The following ANO1 variants were observed in gnomAD, a reference collection of about 807,000 sequenced individuals.
ANO1 encodes anoctamin-1.
Under a neutral mutation model 124.0 loss-of-function variants are expected in ANO1, and 59 were observed. That is an observed-to-expected ratio of 0.48 (90% CI 0.39 to 0.59). The LOEUF (loss-of-function observed/expected upper bound fraction) is 0.59. Among genes scored for constraint, ANO1 ranks in the 20% least tolerant of loss-of-function variants. The probability of loss-of-function intolerance (pLI) is 0.00; values close to 1 mark genes in which losing one functional copy is unlikely to be tolerated. For missense variants in ANO1, 1,059 were observed against 1,328.0 expected (o/e 0.80, Z 3.15); for synonymous variants, 529 against 532.0 (o/e 0.99, Z 0.08).
chr11:70,110,184 C>CTTTTTTT (rs923690897), intron 6 of ANO1, among the ~76,000 whole-genome samples: 6 of 118,070 alleles, frequency 5.1e-5, no homozygotes, highest in Non-Finnish European at 6.8e-5. Context: ...TGTTCACTTT[C>CTTTTTTT]TTTTTTTTTT....
At chr11:70,154,515 G>A (rs973104857) in intron 14 of ANO1, among the ~76,000 whole-genome samples, 1 of 135,664 alleles carries the variant, frequency 7.4e-6, no homozygotes, top group South Asian at 2.3e-4. Flanking sequence ...AGCCCAGGCT[G>A]GAGTGCAGTG....
Position 70,103,099 on chromosome 11 carries a change from C to A in ANO1, c.475C>A (p.His159Asn). ...CCACGGAGTCGGGTTTGTGAAAATC[C>A]ATGCCCCCTGGAACGTGCTGTGCAG... Reference protein sequence around the residue: ...KIHGVGFVKIHAPWNVLCREA... With the variant: ...KIHGVGFVKINAPWNVLCREA... The change falls in exon 3 of 26, where the codon CAT becomes AAT. Residue 159 changes from histidine to asparagine, a missense_variant. Physicochemically the swap from His to Asn is moderately conservative, Grantham distance 68 (BLOSUM62 1). Around this residue, in one of 2 missense-constraint regions of ANO1, gnomAD observed 250 missense variants for 233.1 expected, o/e 1.07. Transcript: ENST00000355303. 1 of 1,612,870 alleles carries A rather than the reference C, an allele frequency of 6.2e-7. No individual in the cohort carries two copies. The highest frequency in any genetic ancestry group is 8.5e-7 in the Non-Finnish European group (1 of 1,179,486).
chr11:70,155,877 C>T (rs891120349), intron 14 of ANO1, 34 bp from the exon 15 acceptor site: 6 of 1,523,668 alleles, frequency 3.9e-6, no homozygotes, highest in South Asian at 2.5e-5. Context: ...CCCACTTCAC[C>T]GCACGGTGCT....
chr11:69,981,498 G>T (rs188843466), upstream of ANO1, among the ~76,000 whole-genome samples: 14 of 152,366 alleles, frequency 9.2e-5, no homozygotes, highest in Admixed American at 9.1e-4. Flanking sequence ...CAGAGATCTT[G>T]CCTCTTCTGT....
At chr11:70,082,613 G>T (rs1349767900) in intron 1 of ANO1, among the ~76,000 whole-genome samples, 1 of 152,194 alleles carries the variant, frequency 6.6e-6, no homozygotes, top group Non-Finnish European at 1.5e-5. Flanking sequence ...GCACCGAGGG[G>T]TTGCTTGCCC....
intron 16 of ANO1, among the ~76,000 whole-genome samples, chr11:70,157,680 C>G (rs369521023): frequency 4.1e-4 from 63 of 152,060 alleles, no homozygotes; most frequent in African/African-American, 1.5e-3. Context: ...TAAGATGAAA[C>G]TGAAGACTTT....
intron 22 of ANO1, among the ~76,000 whole-genome samples, chr11:70,174,195 C>T (rs533306370): frequency 1.3e-5 from 2 of 151,888 alleles, no homozygotes; most frequent in South Asian, 2.1e-4. Flanking sequence ...ATCTCGGCCT[C>T]CCAAAGTGCT....
At chr11:70,098,204 C>G (rs2045094312) in intron 2 of ANO1, among the ~76,000 whole-genome samples, 1 of 152,224 alleles carries the variant, frequency 6.6e-6, no homozygotes, top group South Asian at 2.1e-4. Flanking sequence ...CCCCGCAGGG[C>G]TGGGTGTTCT....
At chr11:70,176,139 G>GTATATATATATATATATA (rs371250706) in intron 22 of ANO1, among the ~76,000 whole-genome samples, 8 of 146,476 alleles carry the variant, frequency 5.5e-5, no homozygotes, top group African/African-American at 2.0e-4. Flanking sequence ...CAGATTATGG[G>GTATATATATATATATATA]TATATATATA....
intron 2 of ANO1, among the ~76,000 whole-genome samples, chr11:70,091,773 C>A (rs573255591): frequency 4.6e-5 from 7 of 152,286 alleles, no homozygotes; most frequent in African/African-American, 1.4e-4. Context: ...CACTCCTGGG[C>A]AAAGTGTGCT....
intron 1 of ANO1, among the ~76,000 whole-genome samples, chr11:70,044,262 C>T (rs781791693): frequency 3.3e-5 from 5 of 152,088 alleles, no homozygotes; most frequent in Middle Eastern, 3.4e-3. Context: ...ACAAAAAAAG[C>T]ACACATGTGC....
chr11:70,179,955 T>A (rs1003450090), intron 22 of ANO1, 49 bp from the exon 23 acceptor site: 1 of 1,551,760 alleles, frequency 6.4e-7, no homozygotes, highest in African/African-American at 1.4e-5. Flanking sequence ...GTAGCTGGAA[T>A]GACTGAGAGT....
chr11:70,104,185 T>G, intron 4 of ANO1, 35 bp downstream of exon 4: 1 of 1,588,776 alleles, frequency 6.3e-7, no homozygotes, highest in Non-Finnish European at 8.6e-7. Flanking sequence ...CCCCAAAGGG[T>G]CCTGTGTGTG....
At chr11:70,055,972 CCTCCCACCCCA>C (rs1555006796) in intron 1 of ANO1, among the ~76,000 whole-genome samples, 233 of 151,772 alleles carry the variant, frequency 1.5e-3, no homozygotes, top group African/African-American at 5.5e-3. Flanking sequence ...ATTTACCTTC[CCTCCCACCCCA>C]CCTTTTGTTT....
chr11:70,155,764 C>A (rs1420797572), intron 14 of ANO1, 147 bp from the exon 15 acceptor site: 1 of 644,370 alleles, frequency 1.6e-6, no homozygotes, highest in Non-Finnish European at 2.5e-6. Context: ...CGCCCAGAAC[C>A]CGAGTCAGCC....
At chr11:70,084,530 A>T (rs2044300754) in intron 1 of ANO1, among the ~76,000 whole-genome samples, 1 of 152,058 alleles carries the variant, frequency 6.6e-6, no homozygotes. Context: ...TTTAGCAGAA[A>T]CCAACCCTGG....
At chr11:70,135,413 C>T (rs928990516) in intron 11 of ANO1, among the ~76,000 whole-genome samples, 1 of 152,214 alleles carries the variant, frequency 6.6e-6, no homozygotes, top group Non-Finnish European at 1.5e-5. Flanking sequence ...TTATGAATTA[C>T]AGCTCCCACA....
intron 16 of ANO1, among the ~76,000 whole-genome samples, chr11:70,160,358 C>A (rs940924302): frequency 2.0e-5 from 3 of 151,968 alleles, no homozygotes; most frequent in Admixed American, 2.0e-4. Context: ...CTGGGCAGGG[C>A]GGGGCAGGGC....
intron 1 of ANO1, among the ~76,000 whole-genome samples, chr11:70,084,177 C>T: frequency 6.6e-6 from 1 of 152,110 alleles, no homozygotes; most frequent in East Asian, 1.9e-4. Context: ...CCTCCGACCC[C>T]TCGAGACCCT....
Sources: gnomAD v4.1 joint callset for allele counts (sites outside exome capture counted in the v4.1 genomes callset) on GRCh38, gnomAD v4.1.1 for gene constraint, gnomAD v4.1.1 regional missense constraint, MANE v1.5 for transcripts, NCBI Gene and HGNC (gene_info 2026-07-23, HGNC 2026-07-21) for gene names.